The following AAK1 variants were observed in gnomAD, a reference collection of about 807,000 sequenced individuals.
AAK1 encodes the protein AP2-associated protein kinase 1.
Under a neutral mutation model 116.0 loss-of-function variants are expected in AAK1, and 37 were observed. That is an observed-to-expected ratio of 0.32 (90% CI 0.25 to 0.42). The LOEUF (loss-of-function observed/expected upper bound fraction) is 0.42, where lower values mean the gene tolerates loss of function less well. AAK1 is among the 10% of genes least tolerant of loss of function. The pLI, the probability that AAK1 is intolerant of heterozygous loss-of-function variation, is 1.00. For synonymous variants in AAK1, 458 were observed against 439.9 expected, an observed-to-expected ratio of 1.04 and a Z score of -0.51; for missense variants, 919 against 1,170.6, an observed-to-expected ratio of 0.79 and a Z score of 3.14.
chr2:69,575,266 T>C (rs1171167071), intron 2 of AAK1, among the ~76,000 whole-genome samples: 1 of 151,284 alleles, frequency 6.6e-6, no homozygotes, highest in Non-Finnish European at 1.5e-5. Flanking sequence ...ATCAATGAAC[T>C]GAATTATGTG....
chr2:69,472,358 T>C lies in AAK1; in HGVS notation c.*3511A>G, dbSNP rs890827517. 2 of 223,628 alleles carry C rather than the reference T, an allele frequency of 8.9e-6. No homozygotes were observed. The highest frequency in any genetic ancestry group is 1.5e-5 in the Non-Finnish European group (2 of 133,538). 13.9% of individuals were successfully genotyped at this position (223,628 alleles called of 1,614,324 possible). ...GGTGCTTTCTCAAAGTGATACTAAT[T>C]AAATAATATAGCTGATTTTCTTATA... is the stretch of plus-strand genomic sequence containing the variant. On this transcript the variant is annotated 3_prime_UTR_variant, in exon 22 of 22. Transcript: ENST00000409085.
intron 17 of AAK1, among the ~76,000 whole-genome samples, chr2:69,493,803 T>C (rs912707017): frequency 6.6e-6 from 1 of 152,000 alleles, no homozygotes; most frequent in Non-Finnish European, 1.5e-5. Context: ...ACAGGTTGAA[T>C]GACACAAGGG....
chr2:69,637,242 T>C (rs1420744298), intron 2 of AAK1, among the ~76,000 whole-genome samples: 4 of 152,234 alleles, frequency 2.6e-5, no homozygotes, highest in Admixed American at 2.6e-4. Flanking sequence ...TTTCTTTAGC[T>C]TTCCCTGACT....
At chr2:69,628,947 G>A (rs1233091457) in intron 2 of AAK1, among the ~76,000 whole-genome samples, 6 of 152,130 alleles carry the variant, frequency 3.9e-5, no homozygotes, top group African/African-American at 1.4e-4. Context: ...CTCAACTACA[G>A]GTACCACCTC....
chr2:69,642,738 G>A, intron 2 of AAK1, 140 bp downstream of exon 2: 1 of 1,239,122 alleles, frequency 8.1e-7, no homozygotes, highest in Non-Finnish European at 1.1e-6. Context: ...ATCTCTCAAG[G>A]ACAATGACTC....
intron 13 of AAK1, among the ~76,000 whole-genome samples, chr2:69,510,861 A>G (rs974026994): frequency 9.2e-5 from 14 of 152,034 alleles, no homozygotes; most frequent in African/African-American, 3.1e-4. Context: ...AAGAAGAAAG[A>G]AAAAAAAGGT....
Position 69,473,652 on chromosome 2 carries a change from T to C in AAK1, c.*2217A>G, listed in dbSNP as rs1674753953. The C allele has an allele frequency of 1.0e-6, 1 of 976,140 alleles. No individual in the cohort carries two copies. The highest frequency in any genetic ancestry group is 1.8e-5 in the African/African-American group (1 of 57,102). 60.5% of individuals were successfully genotyped at this position (976,140 alleles called of 1,614,324 possible). On this transcript the variant is annotated 3_prime_UTR_variant, in exon 22 of 22. Coordinates refer to ENST00000409085, the MANE Select transcript of AAK1 (RefSeq NM_014911.5). ...ATATATGAAAAGAACAATTTAGAGA[T>C]ACCTAATTTCTAAACTGTACTCTTC...
chr2:69,522,650 A>G (rs1351894603), intron 10 of AAK1, among the ~76,000 whole-genome samples: 2 of 152,126 alleles, frequency 1.3e-5, no homozygotes, highest in African/African-American at 4.8e-5. Flanking sequence ...CTAAAAATAC[A>G]AAAATTAGCC....
Position 69,530,724 on chromosome 2 carries a change from A to AT in AAK1, c.657-19dup, listed in dbSNP as rs1464585671. 1 of 1,579,370 alleles carries AT rather than the reference A, an allele frequency of 6.3e-7. No homozygotes were observed. Among genetic ancestry groups the AT allele is most frequent in the African/African-American group, 1.3e-5 (1 of 74,274 alleles). The stretch of plus-strand genomic sequence containing the variant: ...TTGTGTATCTACAATCAAGAGATTC[A>AT]TTTTTTATTAAATATGTCAATACTA... On this transcript the variant is annotated intron_variant, in intron 6 of 21. Coordinates refer to ENST00000409085, the MANE Select transcript of AAK1 (RefSeq NM_014911.5).
chr2:69,554,481 C>G (rs930272364), intron 3 of AAK1, among the ~76,000 whole-genome samples: 2 of 152,164 alleles, frequency 1.3e-5, no homozygotes, highest in African/African-American at 4.8e-5. Flanking sequence ...AAATAGTTTT[C>G]TTATATAATA....
rs1176401016 is a variant in AAK1 at position 69,497,295 on chromosome 2, C to CTTTTT, written c.2270-1220_2270-1216dup. On this transcript the variant is annotated intron_variant, in intron 16 of 21. Transcript: ENST00000409085. Reference sequence around the variant, plus strand: ...CCACATGCAGCTTTACATTATCATTCTTTTTTTTTTTTTTTTTTTTTTTTT... The same window carrying CTTTTT: ...CCACATGCAGCTTTACATTATCATTCTTTTTTTTTTTTTTTTTTTTTTTTTTTTTT... 5.9e-3 allele frequency among the ~76,000 whole-genome samples: 449 copies of CTTTTT among 76,066 alleles called. 13 individuals carry two copies. Among genetic ancestry groups the CTTTTT allele is most frequent in the African/African-American group, 0.01 (156 of 15,572 alleles). The allele number at this position is 76,066 out of a possible 152,430, so 49.9% of individuals were successfully genotyped here. A position where few individuals can be genotyped will look rare whatever the true frequency, so the allele number is the denominator to read the frequency against.
chr2:69,515,143 A>G (rs1302015496), intron 12 of AAK1, among the ~76,000 whole-genome samples: 1 of 152,238 alleles, frequency 6.6e-6, no homozygotes, highest in Non-Finnish European at 1.5e-5. Flanking sequence ...AGTAGCCAAG[A>G]TTAAAATGCT....
At chr2:69,623,265 T>C (rs1674745531) in intron 2 of AAK1, among the ~76,000 whole-genome samples, 2 of 152,184 alleles carry the variant, frequency 1.3e-5, no homozygotes, top group East Asian at 3.8e-4. Flanking sequence ...TGACACTCAC[T>C]GCGAGGGTCC....
At chr2:69,483,853 T>C (rs1352444337) in intron 17 of AAK1, among the ~76,000 whole-genome samples, 1 of 152,248 alleles carries the variant, frequency 6.6e-6, no homozygotes, top group Non-Finnish European at 1.5e-5. Flanking sequence ...CCTGGTAACT[T>C]AATGTTTGAC....
intron 17 of AAK1, among the ~76,000 whole-genome samples, chr2:69,491,496 G>A (rs1001772976): frequency 6.6e-6 from 1 of 152,010 alleles, no homozygotes; most frequent in Non-Finnish European, 1.5e-5. Flanking sequence ...ACAAACCAAC[G>A]AACCAACCTA....
chr2:69,603,582 G>A (rs1653610123), intron 2 of AAK1, among the ~76,000 whole-genome samples: 1 of 152,118 alleles, frequency 6.6e-6, no homozygotes, highest in African/African-American at 2.4e-5. Context: ...CTCACATGTA[G>A]GTTCTCACCA....
chr2:69,628,009 A>G (rs1674985501), intron 2 of AAK1, among the ~76,000 whole-genome samples: 1 of 152,182 alleles, frequency 6.6e-6, no homozygotes, highest in Non-Finnish European at 1.5e-5. Flanking sequence ...ACATCTAATT[A>G]TTAACACTGA....
At chr2:69,554,063 A>T (rs1252155817) in intron 3 of AAK1, among the ~76,000 whole-genome samples, 3 of 151,230 alleles carry the variant, frequency 2.0e-5, no homozygotes, top group Non-Finnish European at 2.9e-5. Flanking sequence ...GGTAACTGAG[A>T]CCCCATCTCA....
chr2:69,568,878 C>T (rs1403542789), intron 2 of AAK1, among the ~76,000 whole-genome samples: 1 of 152,132 alleles, frequency 6.6e-6, no homozygotes, highest in Non-Finnish European at 1.5e-5. Context: ...TGTCATCCAT[C>T]AGCCCCTAGG....
Sources: gnomAD v4.1 joint callset for allele counts (sites outside exome capture counted in the v4.1 genomes callset) on GRCh38, gnomAD v4.1.1 for gene constraint, MANE v1.5 for transcripts, NCBI Gene and HGNC (gene_info 2026-07-23, HGNC 2026-07-21) for gene names.